The following ROBO2 variants were observed in gnomAD, a reference collection of about 807,000 sequenced individuals.
ROBO2 encodes the protein roundabout homolog 2.
In ROBO2, 53 loss-of-function variants were observed where a neutral mutation model predicts 160.8. The observed-to-expected ratio is 0.33, with a 90% CI of 0.26 to 0.41. The LOEUF is 0.41. Ranked by LOEUF, ROBO2 falls within the 10% of genes least tolerant of loss-of-function variation. The pLI, the probability that ROBO2 is intolerant of heterozygous loss-of-function variation, is 1.00. For synonymous variants in ROBO2, 664 were observed against 611.7 expected (o/e 1.09, Z -1.26); for missense variants, 1,577 against 1,722.4 (o/e 0.92, Z 1.49).
chr3:77,302,522 T>G (rs779333352), intron 2 of ROBO2, among the ~76,000 whole-genome samples: 1 of 152,150 alleles, frequency 6.6e-6, no homozygotes, highest in African/African-American at 2.4e-5. Flanking sequence ...ATTGTACCTG[T>G]GTGTATTTCT....
Position 76,606,326 on chromosome 3 carries a change from C to T in ROBO2, c.110-491688C>T, listed in dbSNP as rs544730881. ...CACTGTAATATCATCACAAGCACTA[C>T]GATCAAACCAGAACAAAACACTCCA... On this transcript the variant is annotated intron_variant, in intron 2 of 26. Coordinates refer to the ROBO2 transcript ENST00000487694. 3.9e-5 allele frequency among the ~76,000 whole-genome samples: 6 copies of T among 152,196 alleles called. No homozygotes were observed. In the East Asian group the frequency reaches 9.7e-4, roughly 25 times the overall value.
At chr3:77,114,708 T>G (rs2074023273) in intron 2 of ROBO2, among the ~76,000 whole-genome samples, 1 of 152,172 alleles carries the variant, frequency 6.6e-6, no homozygotes, top group African/African-American at 2.4e-5. Flanking sequence ...CAAGTAGAGA[T>G]TCCTAGTATA....
rs200567421 is a variant in ROBO2, at chr3:76,132,399, G to T, written c.109+194797G>T. On this transcript the variant is annotated intron_variant, in intron 2 of 26. Transcript: ENST00000487694. Reference sequence around the variant, plus strand: ...CTGCCCAAATTCCAGACTGTTGGGGGGGGGGGGGGACGCAGATGTTCAGCA... The same window carrying T: ...CTGCCCAAATTCCAGACTGTTGGGGTGGGGGGGGGACGCAGATGTTCAGCA... Among the ~76,000 whole-genome samples the T allele has an allele frequency of 4.5e-5, 6 of 133,612 alleles. 1 individual carries two copies. Among genetic ancestry groups the T allele is most frequent in the Admixed American group, 1.5e-4 (2 of 13,464 alleles). The allele number at this position is 133,612 out of a possible 152,430, so 87.7% of individuals were successfully genotyped here.
chr3:76,295,000 C>A (rs971752416), intron 2 of ROBO2, among the ~76,000 whole-genome samples: 5 of 152,102 alleles, frequency 3.3e-5, no homozygotes, highest in Non-Finnish European at 5.9e-5. Context: ...AAGAGGAGGC[C>A]ACTAATCCAG....
chr3:76,224,513 T>C lies in ROBO2; in HGVS notation c.109+286911T>C, dbSNP rs145461743. Among the ~76,000 whole-genome samples the C allele has an allele frequency of 4.7e-4, 71 of 152,268 alleles. No homozygotes were observed. The East Asian group carries it at 0.013, about 28-fold the overall frequency. On this transcript the variant is annotated intron_variant, in intron 2 of 26. Coordinates refer to the ROBO2 transcript ENST00000487694. ...ATGGATTGGATGATGCCCACCAACA[T>C]TGTTGAGGGCAGATACTTTTTACTC...
intron 2 of ROBO2, among the ~76,000 whole-genome samples, chr3:76,860,682 T>C (rs1432101287): frequency 3.3e-5 from 5 of 152,124 alleles, no homozygotes; most frequent in East Asian, 1.9e-4. Flanking sequence ...GTGTTTTCCA[T>C]TTTCCTCCTA....
chr3:76,702,704 C>A (rs542032154), intron 2 of ROBO2, among the ~76,000 whole-genome samples: 3 of 151,650 alleles, frequency 2.0e-5, no homozygotes, highest in Admixed American at 6.6e-5. Context: ...TGAATCTATT[C>A]TGAGTTAGAT....
At chr3:76,997,045 C>T (rs1455053694) in intron 2 of ROBO2, among the ~76,000 whole-genome samples, 3 of 152,078 alleles carry the variant, frequency 2.0e-5, no homozygotes, top group Non-Finnish European at 4.4e-5. Context: ...ATTTGTATCC[C>T]TTCTTCTGCT....
intron 5 of ROBO2, among the ~76,000 whole-genome samples, chr3:77,514,919 G>A (rs2089838028): frequency 6.6e-6 from 1 of 151,644 alleles, no homozygotes; most frequent in African/African-American, 2.4e-5. Flanking sequence ...GACCCATGAG[G>A]GAAAGCAGAG....
intron 2 of ROBO2, among the ~76,000 whole-genome samples, chr3:76,130,060 G>A (rs993086728): frequency 1.3e-5 from 2 of 152,030 alleles, no homozygotes; most frequent in Non-Finnish European, 2.9e-5. Flanking sequence ...TCACCCTCCA[G>A]ATTAAAAAAT....
Position 77,550,799 on chromosome 3 carries a change from A to T in ROBO2, c.1060-19A>T. 2 of 1,612,338 alleles carry T rather than the reference A, an allele frequency of 1.2e-6. No homozygotes were observed. Among genetic ancestry groups the T allele is most frequent in the East Asian group, 2.2e-5 (1 of 44,816 alleles). ...TAAGTGGAAAATGAATATTGATGAG[A>T]TTGTGCTTGCTTCCACAGAACCTAC... On this transcript the variant is annotated intron_variant, in intron 7 of 25. Coordinates refer to ENST00000461745, the Ensembl canonical transcript of ROBO2.
chr3:76,087,132 A>G (rs929054142), intron 2 of ROBO2, among the ~76,000 whole-genome samples: 11 of 152,094 alleles, frequency 7.2e-5, no homozygotes, highest in African/African-American at 2.7e-4. Flanking sequence ...CTCCCAAATT[A>G]ATGACAGACA....
intron 2 of ROBO2, among the ~76,000 whole-genome samples, chr3:76,449,277 T>G (rs2109246327): frequency 6.6e-6 from 1 of 152,244 alleles, no homozygotes; most frequent in Admixed American, 6.5e-5. Flanking sequence ...GGATGAAGTG[T>G]ATGAGCTAAA....
intron 2 of ROBO2, among the ~76,000 whole-genome samples, chr3:77,476,539 A>T (rs75491313): frequency 0.03 from 4,583 of 152,236 alleles, 113 homozygotes; most frequent in Non-Finnish European, 0.041. Flanking sequence ...GATCTCAACT[A>T]CTTTTTTGAA....
At chr3:76,173,506 C>A (rs2073118449) in intron 2 of ROBO2, among the ~76,000 whole-genome samples, 1 of 151,900 alleles carries the variant, frequency 6.6e-6, no homozygotes, top group South Asian at 2.1e-4. Context: ...AATGCTCTCC[C>A]TCCCCTTGAC....
intron 2 of ROBO2, among the ~76,000 whole-genome samples, chr3:76,284,557 T>C (rs1708414905): frequency 6.6e-6 from 1 of 152,154 alleles, no homozygotes. Flanking sequence ...CTTGACTCAT[T>C]GATTTGCAGC....
At chr3:76,065,281 A>C (rs1318467855) in intron 2 of ROBO2, among the ~76,000 whole-genome samples, 1 of 152,134 alleles carries the variant, frequency 6.6e-6, no homozygotes, top group African/African-American at 2.4e-5. Flanking sequence ...TCTTTGCTTA[A>C]TTGTAAAGTA....
intron 2 of ROBO2, among the ~76,000 whole-genome samples, chr3:77,181,696 A>T (rs1424401652): frequency 6.6e-6 from 1 of 152,100 alleles, no homozygotes; most frequent in African/African-American, 2.4e-5. Flanking sequence ...AACTAAAAGA[A>T]AATGATGCTC....
At chr3:76,610,443 G>A (rs2088011077) in intron 2 of ROBO2, among the ~76,000 whole-genome samples, 1 of 152,156 alleles carries the variant, frequency 6.6e-6, no homozygotes, top group African/African-American at 2.4e-5. Context: ...CACCTTGGGC[G>A]CCAGTGTCTA....
Sources: allele counts gnomAD v4.1 joint callset (sites outside exome capture counted in the v4.1 genomes callset), GRCh38; gene constraint gnomAD v4.1.1; transcripts MANE v1.5; gene names NCBI Gene and HGNC (gene_info 2026-07-23, HGNC 2026-07-21).